Variants in ZNF683 observed in about 807,000 individuals in gnomAD.
ZNF683 encodes the protein zinc finger protein 683, also known as tissue-resident T-cell transcription regulator protein ZNF683.
A neutral mutation model predicts 31.4 loss-of-function variants in ZNF683; 20 were observed. The ratio of observed to expected loss-of-function variants is 0.64; its 90% CI spans 0.45 to 0.93. The LOEUF is 0.93. ZNF683 is among the 40% of genes least tolerant of loss of function. ZNF683 has a pLI of 0.00. For missense variants in ZNF683, 621 were observed against 637.2 expected (o/e 0.97, Z 0.27); for synonymous variants, 264 against 267.6 (o/e 0.99, Z 0.13).
intron 3 of ZNF683, 134 bp downstream of exon 3, chr1:26,367,459 G>C: frequency 9.8e-7 from 1 of 1,018,562 alleles, no homozygotes; most frequent in South Asian, 1.9e-5. Context: ...CCAAAATGTG[G>C]AAGTAAAGTG....
intron 2 of ZNF683, 118 bp from the exon 3 acceptor site, chr1:26,367,915 A>T (rs2074569780): frequency 1.4e-6 from 1 of 700,962 alleles, no homozygotes; most frequent in African/African-American, 1.8e-5. Context: ...CAGCCACCAC[A>T]CTCCATATCT....
intron 3 of ZNF683, 77 bp downstream of exon 3, chr1:26,367,516 C>G: frequency 1.4e-6 from 2 of 1,393,760 alleles, no homozygotes; most frequent in South Asian, 3.0e-5. Context: ...TCTCCACCAC[C>G]CATCCCCAAA....
rs1163101167 is a variant in ZNF683 at position 26,365,076 on chromosome 1, G to A, written c.470C>T (p.Ser157Phe). Residue 157 changes from serine (S) to phenylalanine (F), a missense_variant, in exon 4 of 6, where the codon TCC (serine) becomes TTC (phenylalanine). Coordinates refer to ENST00000349618, the MANE Select transcript of ZNF683 (RefSeq NM_001114759.3). ...CTTTCTGTTCTGCAGCGGTGGTGGG[G>A]AAGAGCTGTTATGAGAGGAGAAGGC... ...CPAFSSHNSS[S>F]PPPLQNRKSP... 1.9e-6 allele frequency: 3 copies of A among 1,607,190 alleles called. No individual in the cohort carries two copies. The highest frequency in any genetic ancestry group is 1.7e-5 in the Admixed American group (1 of 58,498).
rs2074477749 is a variant in ZNF683 at position 26,364,820 on chromosome 1, C to T, written c.726G>A (p.Glu242=). The T allele has an allele frequency of 6.5e-7, 1 of 1,535,102 alleles. No individual in the cohort carries two copies. The highest frequency in any genetic ancestry group is 8.7e-7 in the Non-Finnish European group (1 of 1,148,376). ...CCCACCGAGCGCTGGGGTGCCCCAGCTCATTGACCATCATCAGCAGGCTAG... is the reference window on the plus strand; with the variant it reads ...CCCACCGAGCGCTGGGGTGCCCCAGTTCATTGACCATCATCAGCAGGCTAG... ...AMPSLLMMVN[E]LGHPSARWET... The change falls in exon 4 of 6, where the codon GAG becomes GAA. Residue 242 remains glutamate, a synonymous_variant. Coordinates refer to ENST00000349618, the MANE Select transcript of ZNF683 (RefSeq NM_001114759.3).
Position 26,361,907 on chromosome 1 carries a change from T to C in ZNF683, c.1259A>G (p.His420Arg), listed in dbSNP as rs1393458482. 1.2e-6 allele frequency: 2 copies of C among 1,613,754 alleles called. No homozygotes were observed. The highest frequency in any genetic ancestry group is 1.7e-6 in the Non-Finnish European group (2 of 1,179,848). Residue 420 changes from histidine (H) to arginine (R), a missense_variant, in exon 6 of 6, where the codon CAC becomes CGC. Transcript: ENST00000349618. Reference sequence around the variant, plus strand: ...ATGCAGCCGATGGTGCAGCTTCAGGTGGATGTGCTGGGTGAAGCGACTCCG... The same window carrying C: ...ATGCAGCCGATGGTGCAGCTTCAGGCGGATGTGCTGGGTGAAGCGACTCCG... ...VCRSRFTQHIHLKLHHRLHAP... is the reference protein window; with the variant it reads ...VCRSRFTQHIRLKLHHRLHAP...
At chr1:26,374,509 G>A, upstream of ZNF683, 1 of 1,163,612 alleles carries the variant, frequency 8.6e-7, no homozygotes, top group Non-Finnish European at 1.1e-6. Context: ...TGCCTGCCAA[G>A]CCCTTCCTTG....
intron 5 of ZNF683, 28 bp downstream of exon 5, chr1:26,362,998 G>T: frequency 1.3e-6 from 2 of 1,594,530 alleles, no homozygotes; most frequent in Non-Finnish European, 1.7e-6. Context: ...GCCTATAGGA[G>T]TACATAGTAG....
At position 26,365,019 on chromosome 1, in the gene ZNF683, G is replaced by T; in HGVS notation, c.527C>A (p.Pro176His). ...SPSPLAFCPC[P>H]PVNSISKELP... ...CTCCTTGGAGATGGAGTTGACAGGG[G>T]GACAGGGGCAGAAAGCCAAGGGGCT... Residue 176 changes from proline (P) to histidine (H), a missense_variant, in exon 4 of 6, where the codon CCC (proline) becomes CAC (histidine). Physicochemically the swap from Pro to His is moderately conservative, Grantham distance 77. Coordinates refer to ENST00000349618, the MANE Select transcript of ZNF683 (RefSeq NM_001114759.3). 6.3e-7 allele frequency: 1 copy of T among 1,588,620 alleles called. No individual in the cohort carries two copies. The highest frequency in any genetic ancestry group is 1.2e-5 in the South Asian group (1 of 86,312).
chr1:26,364,018 G>A lies in ZNF683; in HGVS notation c.1014+514C>T, dbSNP rs544494682. Among the ~76,000 whole-genome samples the A allele has an allele frequency of 2.6e-5, 4 of 152,380 alleles. No individual in the cohort carries two copies. In the South Asian group the frequency reaches 6.2e-4, roughly 24 times the overall value. ...CTGGGCGCCCCCTGCTGGGCGATGC[G>A]GATGGTGAGGCCAATCGCATCGGCG... On this transcript the variant is annotated intron_variant, in intron 4 of 5. Coordinates refer to ENST00000349618, the MANE Select transcript of ZNF683 (RefSeq NM_001114759.3).
intron 4 of ZNF683, among the ~76,000 whole-genome samples, chr1:26,363,429 G>C (rs889140469): frequency 1.3e-5 from 2 of 152,170 alleles, no homozygotes; most frequent in Admixed American, 6.5e-5. Flanking sequence ...TTGGGAGCAT[G>C]TTAGAAATGC....
chr1:26,364,791 G>T lies in ZNF683; in HGVS notation c.755C>A (p.Thr252Asn). Reference sequence around the variant, plus strand: ...GAAGGCCCCTGGGTAGGGAAGCAGGGTCTCCCACCGAGCGCTGGGGTGCCC... The same window carrying T: ...GAAGGCCCCTGGGTAGGGAAGCAGGTTCTCCCACCGAGCGCTGGGGTGCCC... ...ELGHPSARWETLLPYPGAFQA... is the reference protein window; with the variant it reads ...ELGHPSARWENLLPYPGAFQA... Residue 252 changes from threonine to asparagine, a missense_variant, in exon 4 of 6, where the codon ACC becomes AAC. Thr to Asn is a moderately conservative substitution (Grantham distance 65, BLOSUM62 0). Transcript: ENST00000349618. 3 of 1,593,376 alleles carry T rather than the reference G, an allele frequency of 1.9e-6. No homozygotes were observed. Among genetic ancestry groups the T allele is most frequent in the Admixed American group, 1.7e-5 (1 of 58,200 alleles).
intron 5 of ZNF683, 124 bp from the exon 6 acceptor site, chr1:26,362,146 C>T (rs1354272021): frequency 6.2e-7 from 1 of 1,610,208 alleles, no homozygotes; most frequent in African/African-American, 1.3e-5. Flanking sequence ...GGAAGCTTTT[C>T]CAGTGATTTC....
At position 26,363,050 on chromosome 1, in the gene ZNF683, A is replaced by T. The variant is rs1410678151; in HGVS notation, c.1119T>A (p.Thr373=). 1 of 1,611,958 alleles carries T rather than the reference A, an allele frequency of 6.2e-7. No homozygotes were observed. Among genetic ancestry groups the T allele is most frequent in the Non-Finnish European group, 8.5e-7 (1 of 1,178,994 alleles). Residue 373 remains threonine (T), a synonymous_variant, in exon 5 of 6, where the codon ACT becomes ACA. Coordinates refer to ENST00000349618, the MANE Select transcript of ZNF683 (RefSeq NM_001114759.3). ...AHLQKHHLVH[T]GERPHKCSVC... ...CCGAGCACTTGTGGGGCCGCTCCCC[A>T]GTGTGCACCAGGTGGTGCTTCTGCA...
At chr1:26,363,479 C>T (rs57519020) in intron 4 of ZNF683, among the ~76,000 whole-genome samples, 16,932 of 152,106 alleles carry the variant, frequency 0.11, 1,137 homozygotes, top group African/African-American at 0.18. Flanking sequence ...GAATCAAAAA[C>T]TCTGGGAGGG....
Position 26,364,927 on chromosome 1 carries a change from TG to T in ZNF683, c.618del (p.Phe206LeufsTer32). The T allele has an allele frequency of 2.6e-6, 4 of 1,550,036 alleles. No individual in the cohort carries two copies. Among genetic ancestry groups the T allele is most frequent in the Non-Finnish European group, 3.5e-6 (4 of 1,151,992 alleles). On this transcript the variant is annotated frameshift_variant, in exon 4 of 6. Transcript: ENST00000349618. LOFTEE classifies it high-confidence loss of function. The part of the protein sequence containing the change: ...YPLLLPPPHL[F>X]TYGALPSDQC... ...TGGTCAGAAGGTAGGGCCCCATAGG[TG>T]AACAGGTGGGGTGGAGGCAGGAGAA...
chr1:26,363,898 G>C (rs1209599454), intron 4 of ZNF683, among the ~76,000 whole-genome samples: 1 of 152,204 alleles, frequency 6.6e-6, no homozygotes, highest in Non-Finnish European at 1.5e-5. Context: ...GGATCCAGCA[G>C]GGCTTCTCCC....
chr1:26,366,342 C>CAAAAAAAAAAAAAAAAAAAA (rs1173737722), intron 3 of ZNF683, among the ~76,000 whole-genome samples: 7 of 68,978 alleles, frequency 1.0e-4, no homozygotes, highest in African/African-American at 2.8e-4. Flanking sequence ...CAGCCTATCT[C>CAAAAAAAAAAAAAAAAAAAA]AAAAAAAAAA....
At chr1:26,369,016 G>A (rs1027851255) in intron 1 of ZNF683, among the ~76,000 whole-genome samples, 6 of 151,948 alleles carry the variant, frequency 3.9e-5, no homozygotes, top group African/African-American at 1.5e-4. Context: ...AGTCCAAGGC[G>A]GTTGGATGAC....
At chr1:26,374,196 C>T (rs2074719090), upstream of ZNF683, 2 of 1,285,798 alleles carry the variant, frequency 1.6e-6, no homozygotes, top group Admixed American at 4.7e-5. Flanking sequence ...AGCCCGCCTC[C>T]CCTGCTGTCT....
Sources: gnomAD v4.1 joint callset for allele counts (sites outside exome capture counted in the v4.1 genomes callset) on GRCh38, gnomAD v4.1.1 for gene constraint, MANE v1.5 for transcripts, NCBI Gene and HGNC (gene_info 2026-07-23, HGNC 2026-07-21) for gene names.